SLC24A2: variants seen among roughly 807,000 people sequenced by gnomAD.
SLC24A2 encodes solute carrier family 24 member 2, also known as sodium/potassium/calcium exchanger 2.
A neutral mutation model predicts 62.0 loss-of-function variants in SLC24A2; 36 were observed. The observed-to-expected ratio is 0.58, with a 90% CI of 0.44 to 0.77. SLC24A2 has a LOEUF of 0.77. Among genes scored for constraint, SLC24A2 ranks in the 30% least tolerant of loss-of-function variants. SLC24A2 has a pLI of 0.00. For missense variants in SLC24A2, 846 were observed against 817.9 expected (o/e 1.03, Z -0.42); for synonymous variants, 358 against 294.0 (o/e 1.22, Z -2.23).
chr9:19,747,643 G>T (rs1237394809), intron 2 of SLC24A2, among the ~76,000 whole-genome samples: 1 of 152,112 alleles, frequency 6.6e-6, no homozygotes, highest in Non-Finnish European at 1.5e-5. Flanking sequence ...GTCTTACCTG[G>T]AAATTAACTT....
chr9:20,126,635 G>C, the SLC24A2 span, among the ~76,000 whole-genome samples: 1 of 152,040 alleles, frequency 6.6e-6, no homozygotes, highest in African/African-American at 2.4e-5. Context: ...AAATGAGTGA[G>C]GCTTTAAGGA....
intron 8 of SLC24A2, among the ~76,000 whole-genome samples, chr9:19,535,675 T>G (rs1833928643): frequency 6.6e-6 from 1 of 152,190 alleles, no homozygotes; most frequent in African/African-American, 2.4e-5. Flanking sequence ...ATGTGTGGTG[T>G]TATTTCTGAG....
intron 5 of SLC24A2, among the ~76,000 whole-genome samples, chr9:19,587,253 C>A (rs557724848): frequency 6.6e-6 from 1 of 152,076 alleles, no homozygotes; most frequent in African/African-American, 2.4e-5. Flanking sequence ...CAAAATAATT[C>A]TTTCTTTTGA....
chr9:19,598,975 T>C (rs7864112), intron 4 of SLC24A2, among the ~76,000 whole-genome samples: 9,386 of 152,222 alleles, frequency 0.062, 551 homozygotes, highest in East Asian at 0.31. Flanking sequence ...GCAAACAGAA[T>C]ATGAGTGGCT....
chr9:19,851,435 A>G, the SLC24A2 span, among the ~76,000 whole-genome samples: 2 of 152,122 alleles, frequency 1.3e-5, no homozygotes, highest in African/African-American at 4.8e-5. Flanking sequence ...CTGTCAACCC[A>G]TCACCTAGGT....
chr9:19,520,856 G>A (rs370571474), intron 10 of SLC24A2, 38 bp downstream of exon 10: 3 of 1,601,634 alleles, frequency 1.9e-6, no homozygotes, highest in African/African-American at 2.7e-5. Flanking sequence ...GACACTGGTG[G>A]AGCTGGTGCA....
intron 4 of SLC24A2, among the ~76,000 whole-genome samples, chr9:19,612,668 C>G (rs986975117): frequency 6.6e-6 from 1 of 152,174 alleles, no homozygotes; most frequent in African/African-American, 2.4e-5. Flanking sequence ...TTATTAAATG[C>G]TGTACTAGAC....
intron 2 of SLC24A2, among the ~76,000 whole-genome samples, chr9:19,699,917 C>T (rs946517348): frequency 6.6e-6 from 1 of 152,134 alleles, no homozygotes; most frequent in East Asian, 1.9e-4. Flanking sequence ...TTAGGACACA[C>T]GGGTGCACTA....
the SLC24A2 span, among the ~76,000 whole-genome samples, chr9:20,205,332 A>G: frequency 3.3e-5 from 5 of 152,112 alleles, no homozygotes; most frequent in Non-Finnish European, 7.4e-5. Context: ...GCCATCTTTT[A>G]TGTGAAAGAA....
At chr9:19,890,936 T>A in the SLC24A2 span, among the ~76,000 whole-genome samples, 1 of 152,206 alleles carries the variant, frequency 6.6e-6, no homozygotes, top group Non-Finnish European at 1.5e-5. Context: ...CTGATAAGCA[T>A]CTCAAACTTT....
intron 2 of SLC24A2, among the ~76,000 whole-genome samples, chr9:19,749,002 T>C (rs185193970): frequency 7.9e-5 from 12 of 151,294 alleles, no homozygotes; most frequent in Non-Finnish European, 1.6e-4. Flanking sequence ...ATAAGACACA[T>C]TTGATCAGCA....
At chr9:19,616,650 C>A (rs1201610683) in intron 4 of SLC24A2, among the ~76,000 whole-genome samples, 1 of 152,112 alleles carries the variant, frequency 6.6e-6, no homozygotes, top group Non-Finnish European at 1.5e-5. Flanking sequence ...TAGTATGTAC[C>A]AGGTATTCTT....
At chr9:19,949,160 A>C in the SLC24A2 span, among the ~76,000 whole-genome samples, 1 of 151,846 alleles carries the variant, frequency 6.6e-6, no homozygotes, top group African/African-American at 2.4e-5. Context: ...TGCCTGGCTA[A>C]TTTTTATATT....
chr9:19,929,556 G>T, the SLC24A2 span: 2 of 152,076 alleles, frequency 1.3e-5, no homozygotes, highest in Non-Finnish European at 2.9e-5. Flanking sequence ...TTGTAAAAAA[G>T]AATAGCACAT....
intron 2 of SLC24A2, among the ~76,000 whole-genome samples, chr9:19,783,580 A>G (rs1255009586): frequency 1.3e-5 from 2 of 152,208 alleles, no homozygotes; most frequent in African/African-American, 4.8e-5. Flanking sequence ...TTACATTAAA[A>G]TCACATTCAG....
the SLC24A2 span, among the ~76,000 whole-genome samples, chr9:19,995,354 A>G: frequency 6.6e-6 from 1 of 152,188 alleles, no homozygotes; most frequent in Non-Finnish European, 1.5e-5. Flanking sequence ...CACAGAGGTA[A>G]AGAGAGCGTG....
intron 5 of SLC24A2, among the ~76,000 whole-genome samples, chr9:19,583,812 T>C (rs1456819327): frequency 6.6e-6 from 1 of 152,046 alleles, no homozygotes; most frequent in African/African-American, 2.4e-5. Context: ...GTCAATAAGG[T>C]GCATGTGCAA....
chr9:19,962,048 A>T, the SLC24A2 span, among the ~76,000 whole-genome samples: 1 of 152,220 alleles, frequency 6.6e-6, no homozygotes. Flanking sequence ...TAGCTAATAT[A>T]TCACCCTTGA....
chr9:20,230,069 T>A, the SLC24A2 span, among the ~76,000 whole-genome samples: 77 of 152,312 alleles, frequency 5.1e-4, 1 homozygote, highest in South Asian at 5.4e-3. Context: ...GAACTCATCA[T>A]TTTTTATGGC....
Sources: gnomAD v4.1 joint callset for allele counts (sites outside exome capture counted in the v4.1 genomes callset) on GRCh38, gnomAD v4.1.1 for gene constraint, MANE v1.5 for transcripts, NCBI Gene and HGNC (gene_info 2026-07-23, HGNC 2026-07-21) for gene names.